Variants in DNAH6 observed in about 807,000 individuals in gnomAD.
DNAH6 encodes dynein axonemal heavy chain 6.
A neutral mutation model predicts 491.4 loss-of-function variants in DNAH6; 340 were observed. That is an observed-to-expected ratio of 0.69 (90% confidence interval 0.63 to 0.76). The LOEUF is 0.76. Among genes scored for constraint, DNAH6 ranks in the 30% least tolerant of loss-of-function variants. DNAH6 has a pLI of 0.00. For missense variants in DNAH6, 4,443 were observed against 4,972.2 expected (o/e 0.89, Z 3.20); for synonymous variants, 1,603 against 1,686.1 (o/e 0.95, Z 1.21).
chr2:84,636,235 G>A lies in DNAH6; in HGVS notation c.4654-975G>A, dbSNP rs1688868491. ...ACTCCTGATGCTCAGGCCCAGCCTAGCTATGCTTTCTGGAACTTTGCCCTT... is the reference window on the plus strand; with the variant it reads ...ACTCCTGATGCTCAGGCCCAGCCTAACTATGCTTTCTGGAACTTTGCCCTT... On this transcript the variant is annotated intron_variant, in intron 30 of 76. Coordinates refer to ENST00000389394, the MANE Select transcript of DNAH6 (RefSeq NM_001370.2). Among the ~76,000 whole-genome samples, 3 of 152,182 alleles carry A rather than the reference G, an allele frequency of 2.0e-5. No individual in the cohort carries two copies. The South Asian group carries it at 6.2e-4, about 32-fold the overall frequency.
At chr2:84,582,159 A>G (rs1224353889) in intron 14 of DNAH6, among the ~76,000 whole-genome samples, 2 of 152,182 alleles carry the variant, frequency 1.3e-5, no homozygotes, top group African/African-American at 2.4e-5. Context: ...ACTCACATAA[A>G]TAGCTTAGAA....
chr2:84,560,243 T>C (rs1275392518), intron 11 of DNAH6, among the ~76,000 whole-genome samples: 2 of 152,074 alleles, frequency 1.3e-5, no homozygotes, highest in African/African-American at 4.8e-5. Flanking sequence ...ATTATTAGAT[T>C]TTAAGGCTAA....
intron 22 of DNAH6, among the ~76,000 whole-genome samples, chr2:84,612,222 A>C (rs1303220476): frequency 6.6e-6 from 1 of 152,098 alleles, no homozygotes; most frequent in Non-Finnish European, 1.5e-5. Flanking sequence ...TATTCAGTTA[A>C]AGCTCCTCCA....
the DNAH6 span, among the ~76,000 whole-genome samples, chr2:84,480,634 G>C: frequency 1.3e-5 from 2 of 152,212 alleles, no homozygotes; most frequent in East Asian, 3.9e-4. Flanking sequence ...TGAAAAACTA[G>C]TGCAAGCCTT....
chr2:84,607,870 T>C (rs574893160), intron 21 of DNAH6, among the ~76,000 whole-genome samples: 1 of 152,178 alleles, frequency 6.6e-6, no homozygotes, highest in African/African-American at 2.4e-5. Flanking sequence ...TCATCGACTC[T>C]TCCTTTTATT....
At chr2:84,570,476 G>A (rs947802980) in intron 11 of DNAH6, among the ~76,000 whole-genome samples, 13 of 151,570 alleles carry the variant, frequency 8.6e-5, no homozygotes, top group African/African-American at 7.3e-5. Flanking sequence ...CTGTAAAAAC[G>A]CACCAATCAG....
Position 84,673,823 on chromosome 2 carries a change from GT to G in DNAH6, c.6612+1341del, listed in dbSNP as rs1345905209. On this transcript the variant is annotated intron_variant, in intron 40 of 76. Transcript: ENST00000389394. ...GATTAGATTGTGCCCACAATTAAGG[GT>G]TGGTTAAGGGTGATTCTGCCTTTCT... Among the ~76,000 whole-genome samples the G allele has an allele frequency of 4.2e-3, 643 of 152,328 alleles. 3 individuals are homozygous for G. Among genetic ancestry groups the G allele is most frequent in the African/African-American group, 0.014 (602 of 41,574 alleles).
Position 84,745,062 on chromosome 2 carries a change from T to C in DNAH6, c.10343-18T>C. 2 of 1,428,472 alleles carry C rather than the reference T, an allele frequency of 1.4e-6. No homozygotes were observed. The highest frequency in any genetic ancestry group is 1.9e-6 in the Non-Finnish European group (2 of 1,067,736). The allele number at this position is 1,428,472 out of a possible 1,614,324, so 88.5% of individuals were successfully genotyped here. A position where few individuals can be genotyped will look rare whatever the true frequency, so the allele number is the denominator to read the frequency against. On this transcript the variant is annotated intron_variant, in intron 62 of 76. Transcript: ENST00000389394. Reference sequence around the variant, plus strand: ...AAACAAATCTAATTAAATTATCTTTTTTAAATTGTATTTCCAGGATCTTTT... The same window carrying C: ...AAACAAATCTAATTAAATTATCTTTCTTAAATTGTATTTCCAGGATCTTTT...
At chr2:84,642,540 T>TTTTA (rs1214262343) in intron 33 of DNAH6, among the ~76,000 whole-genome samples, 1 of 152,230 alleles carries the variant, frequency 6.6e-6, no homozygotes, top group East Asian at 1.9e-4. Context: ...TTTCTAACTC[T>TTTTA]TTTATTTATT....
intron 45 of DNAH6, 97 bp from the exon 46 acceptor site, chr2:84,694,152 G>A: frequency 9.5e-7 from 1 of 1,056,026 alleles, no homozygotes. Context: ...CAGGGAGGAG[G>A]CTCCACTGGC....
At chr2:84,767,626 A>C (rs1675215024) in intron 64 of DNAH6, among the ~76,000 whole-genome samples, 1 of 152,130 alleles carries the variant, frequency 6.6e-6, no homozygotes, top group Non-Finnish European at 1.5e-5. Flanking sequence ...ATGAATTGAA[A>C]GTATGAAGAG....
chr2:84,708,465 A>G (rs1270466967), intron 54 of DNAH6, among the ~76,000 whole-genome samples: 10 of 83,872 alleles, frequency 1.2e-4, no homozygotes, highest in Non-Finnish European at 1.8e-4. Context: ...AGAAAGAGAA[A>G]AAGAGAGAAA....
At chr2:84,699,758 CTT>C in intron 48 of DNAH6, 24 bp downstream of exon 48, 1 of 1,545,932 alleles carries the variant, frequency 6.5e-7, no homozygotes, top group Non-Finnish European at 8.7e-7. Flanking sequence ...CAGGATATCT[CTT>C]TGAGAAGTTG....
chr2:84,538,656 C>T (rs1021224568), intron 4 of DNAH6, among the ~76,000 whole-genome samples: 6 of 152,066 alleles, frequency 3.9e-5, no homozygotes, highest in Non-Finnish European at 7.4e-5. Context: ...ATTTGAGAAA[C>T]TTTGTTAAGT....
chr2:84,600,207 GT>G (rs1410928311), intron 18 of DNAH6, among the ~76,000 whole-genome samples: 2 of 152,020 alleles, frequency 1.3e-5, no homozygotes, highest in Non-Finnish European at 2.9e-5. Flanking sequence ...CATTCTATCA[GT>G]TTATGCATTT....
the DNAH6 span, among the ~76,000 whole-genome samples, chr2:84,495,970 G>A: frequency 5.9e-5 from 9 of 152,168 alleles, no homozygotes; most frequent in African/African-American, 1.7e-4. Context: ...ACACTGGACA[G>A]CCAAGGCTGA....
At chr2:84,596,747 A>T (rs960024852) in intron 18 of DNAH6, among the ~76,000 whole-genome samples, 1 of 152,134 alleles carries the variant, frequency 6.6e-6, no homozygotes, top group Admixed American at 6.5e-5. Context: ...GCTTGAAAAG[A>T]GTGTTATTTG....
rs535830396 is a variant in DNAH6 at position 84,607,561 on chromosome 2, A to T, written c.3294+466A>T. ...TGCTCACTCTCTGAATGACAAGATCATTCATACCTCAAACCTCAGCATTAC... is the reference window on the plus strand; with the variant it reads ...TGCTCACTCTCTGAATGACAAGATCTTTCATACCTCAAACCTCAGCATTAC... On this transcript the variant is annotated intron_variant, in intron 21 of 76. Transcript: ENST00000389394. Among the ~76,000 whole-genome samples the T allele has an allele frequency of 2.0e-5, 3 of 152,322 alleles. No homozygotes were observed. In the South Asian group the frequency reaches 6.2e-4, roughly 32 times the overall value.
chr2:84,816,024 C>T lies in DNAH6; in HGVS notation c.12314C>T (p.Thr4105Ile). 6.4e-7 allele frequency: 1 copy of T among 1,551,774 alleles called. No homozygotes were observed. The highest frequency in any genetic ancestry group is 1.4e-5 in the African/African-American group (1 of 73,146). ...EPQQNYKPSP[T>I]LYHCPLYKTG... ...CAACAAAACTATAAGCCAAGCCCAA[C>T]ACTTTACCACTGCCCACTTTATAAA... The change falls in exon 76 of 77, where the codon ACA becomes ATA. Residue 4105 changes from threonine (T) to isoleucine (I), a missense_variant. By Grantham distance (89) the Thr-to-Ile change is moderately conservative. Around this residue, in one of 3 missense-constraint regions of DNAH6, gnomAD observed 1,463 missense variants for 1,656.6 expected, o/e 0.88. Coordinates refer to ENST00000389394, the MANE Select transcript of DNAH6 (RefSeq NM_001370.2).
Sources: gnomAD v4.1 joint callset for allele counts (sites outside exome capture counted in the v4.1 genomes callset) on GRCh38, gnomAD v4.1.1 for gene constraint, gnomAD v4.1.1 regional missense constraint, MANE v1.5 for transcripts, NCBI Gene and HGNC (gene_info 2026-07-23, HGNC 2026-07-21) for gene names.